STK39: variants seen among roughly 807,000 people sequenced by gnomAD.
The protein encoded by STK39 is serine/threonine kinase 39.
A neutral mutation model predicts 77.8 loss-of-function variants in STK39; 20 were observed. The ratio of observed to expected loss-of-function variants is 0.26; its 90% CI spans 0.18 to 0.37. STK39 has a LOEUF of 0.37. Ranked by LOEUF, STK39 falls within the 10% of genes least tolerant of loss-of-function variation. The pLI is 1.00. For synonymous variants in STK39, 246 were observed against 234.1 expected (o/e 1.05, Z -0.47); for missense variants, 479 against 656.5 (o/e 0.73, Z 2.95).
At chr2:168,067,847 G>C (rs953415966) in intron 12 of STK39, among the ~76,000 whole-genome samples, 1 of 152,154 alleles carries the variant, frequency 6.6e-6, no homozygotes, top group African/African-American at 2.4e-5. Flanking sequence ...TGATGGGAAG[G>C]TGTATTAGTC....
chr2:168,123,747 T>A (rs184906955), intron 10 of STK39, among the ~76,000 whole-genome samples: 1,808 of 151,654 alleles, frequency 0.012, 19 homozygotes, highest in South Asian at 0.018. Flanking sequence ...CGGGCACCTG[T>A]AATCCCAGCT....
chr2:168,209,283 G>C (rs1439321257), intron 1 of STK39, among the ~76,000 whole-genome samples: 1 of 152,130 alleles, frequency 6.6e-6, no homozygotes, highest in Non-Finnish European at 1.5e-5. Flanking sequence ...AAAATACAGA[G>C]ACCACCAGAA....
At chr2:168,168,309 G>A (rs900337811) in intron 2 of STK39, among the ~76,000 whole-genome samples, 5 of 152,064 alleles carry the variant, frequency 3.3e-5, no homozygotes, top group Non-Finnish European at 7.4e-5. Context: ...ATTGATTTCA[G>A]TTTCTCGTTT....
chr2:168,170,010 G>C (rs992314535), intron 2 of STK39, among the ~76,000 whole-genome samples: 1 of 152,158 alleles, frequency 6.6e-6, no homozygotes, highest in Non-Finnish European at 1.5e-5. Flanking sequence ...TTTTCCACAA[G>C]CATTAATGCT....
intron 1 of STK39, among the ~76,000 whole-genome samples, chr2:168,238,159 C>T (rs1179831788): frequency 6.6e-6 from 1 of 151,930 alleles, no homozygotes; most frequent in African/African-American, 2.4e-5. Context: ...ATTACTTCTT[C>T]TAAGACCCCA....
At chr2:168,007,103 AAC>A (rs772869409) in intron 16 of STK39, among the ~76,000 whole-genome samples, 2 of 152,252 alleles carry the variant, frequency 1.3e-5, no homozygotes, top group African/African-American at 4.8e-5. Flanking sequence ...ATGGGAAAGA[AAC>A]AGATTTTTAA....
intron 16 of STK39, among the ~76,000 whole-genome samples, chr2:167,999,420 G>A (rs1299752702): frequency 6.6e-6 from 1 of 152,120 alleles, no homozygotes; most frequent in East Asian, 1.9e-4. Flanking sequence ...TTAATCAGGT[G>A]TACTCAGCAC....
At chr2:168,158,767 G>A (rs1688498449) in intron 5 of STK39, among the ~76,000 whole-genome samples, 1 of 152,194 alleles carries the variant, frequency 6.6e-6, no homozygotes, top group Admixed American at 6.5e-5. Context: ...GAGTTGTGCT[G>A]AGGACTGAAT....
intron 15 of STK39, among the ~76,000 whole-genome samples, chr2:168,013,638 T>G (rs185596934): frequency 6.6e-6 from 1 of 152,330 alleles, no homozygotes; most frequent in East Asian, 1.9e-4. Context: ...GACAGAAATG[T>G]CTTCCAAAGT....
At chr2:168,217,803 A>G (rs1212044054) in intron 1 of STK39, among the ~76,000 whole-genome samples, 1 of 152,208 alleles carries the variant, frequency 6.6e-6, no homozygotes, top group Non-Finnish European at 1.5e-5. Flanking sequence ...AAGTATTTTC[A>G]ATCTACATTT....
At chr2:168,224,897 C>A (rs1355616458) in intron 1 of STK39, among the ~76,000 whole-genome samples, 1 of 152,204 alleles carries the variant, frequency 6.6e-6, no homozygotes, top group Non-Finnish European at 1.5e-5. Context: ...AGCTTAAACA[C>A]TGTCTCTCAA....
Position 168,111,395 on chromosome 2 carries a change from A to T in STK39, c.1089+18146T>A, listed in dbSNP as rs79959478. Among the ~76,000 whole-genome samples the T allele has an allele frequency of 1.4e-3, 218 of 152,312 alleles. 1 individual carries two copies. Among genetic ancestry groups the T allele is most frequent in the African/African-American group, 5.0e-3 (206 of 41,576 alleles). On this transcript the variant is annotated intron_variant, in intron 10 of 17. Transcript: ENST00000355999. ...AAATATAAATTTTCTCAGTTTTGTT[A>T]ATCTGAAAATGTCTTTTCACTATCC...
At chr2:168,054,118 C>T (rs1391070105) in intron 14 of STK39, among the ~76,000 whole-genome samples, 1 of 152,114 alleles carries the variant, frequency 6.6e-6, no homozygotes, top group Non-Finnish European at 1.5e-5. Context: ...TGTTGGGAAA[C>T]ATTGTTAAAA....
chr2:168,026,680 G>A (rs780591216), intron 14 of STK39, among the ~76,000 whole-genome samples: 7 of 152,190 alleles, frequency 4.6e-5, no homozygotes, highest in Non-Finnish European at 1.5e-5. Context: ...TTTTCCCCCA[G>A]TTATACCCCT....
chr2:168,015,528 T>C (rs2105317452), intron 15 of STK39, among the ~76,000 whole-genome samples: 1 of 152,308 alleles, frequency 6.6e-6, no homozygotes, highest in Admixed American at 6.5e-5. Flanking sequence ...GGACTGTTAA[T>C]CTAAATGCGG....
chr2:168,080,487 G>A (rs1455268154), intron 10 of STK39, among the ~76,000 whole-genome samples: 2 of 152,028 alleles, frequency 1.3e-5, no homozygotes, highest in South Asian at 2.1e-4. Context: ...AAAATTAGCC[G>A]GGCGTGGTGG....
At chr2:168,095,499 T>C (rs1054860855) in intron 10 of STK39, among the ~76,000 whole-genome samples, 4 of 152,080 alleles carry the variant, frequency 2.6e-5, no homozygotes, top group African/African-American at 9.7e-5. Flanking sequence ...GAACACTTTT[T>C]TTCCCCTTCA....
In STK39 at chr2:167,954,656, T is replaced by A. The variant is rs1376410503; in HGVS notation, c.*840A>T. On this transcript the variant is annotated 3_prime_UTR_variant, in exon 18 of 18. Coordinates refer to ENST00000355999, the MANE Select transcript of STK39 (RefSeq NM_013233.3). ...CACCTTATATAGAGGAAATTTTAGA[T>A]CTGAGACTATTCCAGAGTAAAGCAG... is the stretch of plus-strand genomic sequence containing the variant. 2 of 152,614 alleles carry A rather than the reference T, an allele frequency of 1.3e-5. No homozygotes were observed. The highest frequency in any genetic ancestry group is 4.8e-5 in the African/African-American group (2 of 41,440). The allele number at this position is 152,614 out of a possible 1,614,324, so 9.5% of individuals were successfully genotyped here.
intron 10 of STK39, among the ~76,000 whole-genome samples, chr2:168,118,525 C>A (rs1403862121): frequency 4.2e-5 from 6 of 143,610 alleles, no homozygotes; most frequent in Admixed American, 7.4e-5. Flanking sequence ...CAGCAAATTA[C>A]AATTTCCAGA....
Sources: allele counts gnomAD v4.1 joint callset (sites outside exome capture counted in the v4.1 genomes callset), GRCh38; gene constraint gnomAD v4.1.1; transcripts MANE v1.5; gene names NCBI Gene and HGNC (gene_info 2026-07-23, HGNC 2026-07-21).